The following ZNF44 variants were observed in gnomAD, a reference collection of about 807,000 sequenced individuals.
ZNF44 encodes zinc finger protein 44, also known as gonadotropin inducible transcription repressor-2.
Under a neutral mutation model 11.7 loss-of-function variants are expected in ZNF44, and 9 were observed. The observed-to-expected ratio is 0.77, with a 90% CI of 0.46 to 1.35. The LOEUF is 1.35. Among genes scored for constraint, ZNF44 ranks in the 40% most tolerant of loss-of-function variants. The probability of loss-of-function intolerance (pLI) is 0.00; values close to 1 mark genes in which losing one functional copy is unlikely to be tolerated. For synonymous variants in ZNF44, 224 were observed against 242.7 expected (o/e 0.92, Z 0.72); for missense variants, 696 against 743.1 (o/e 0.94, Z 0.74).
Position 12,274,041 on chromosome 19 carries a change from C to T in ZNF44, c.214G>A (p.Gly72Ser), listed in dbSNP as rs753445668. 7 of 1,612,610 alleles carry T rather than the reference C, an allele frequency of 4.3e-6. No homozygotes were observed. Among genetic ancestry groups the T allele is most frequent in the Admixed American group, 1.7e-5 (1 of 59,956 alleles). Residue 72 changes from glycine to serine, a missense_variant, in exon 4 of 4, where the codon GGT becomes AGT. By Grantham distance (56) the Gly-to-Ser change is moderately conservative. Coordinates refer to ENST00000355684, the MANE Select transcript of ZNF44 (RefSeq NM_016264.4). The stretch of plus-strand genomic sequence containing the variant: ...CACTGACTACCATCTTTACTTTTAC[C>T]AAATCTCTCTACCACATCACACCTG... Reference protein sequence around the residue: ...NPRCDVVERFGKSKDGSQCGE... With the variant: ...NPRCDVVERFSKSKDGSQCGE...
chr19:12,284,505 G>C, intron 1 of ZNF44: 2 of 681,508 alleles, frequency 2.9e-6, no homozygotes, highest in South Asian at 2.8e-5. Flanking sequence ...TACCAAGCTG[G>C]GCTGCCTGGT....
downstream of ZNF44, among the ~76,000 whole-genome samples, chr19:12,271,473 T>C (rs1019185075): frequency 1.3e-5 from 2 of 152,220 alleles, no homozygotes; most frequent in African/African-American, 4.8e-5. Context: ...CTTGATGTCC[T>C]GTCAAGATTC....
intron 2 of ZNF44, among the ~76,000 whole-genome samples, chr19:12,230,909 A>G (rs991546896): frequency 6.6e-6 from 1 of 151,948 alleles, no homozygotes; most frequent in African/African-American, 2.4e-5. Context: ...GGGGCGTTGG[A>G]ATGTCTCTGG....
intron 3 of ZNF44, among the ~76,000 whole-genome samples, chr19:12,228,200 A>ATTGT: frequency 7.3e-6 from 1 of 137,824 alleles, no homozygotes; most frequent in East Asian, 2.2e-4. Flanking sequence ...CTTCAAAACA[A>ATTGT]TTGTTTAACT....
chr19:12,241,921 C>T (rs1430050975), upstream of ZNF44, among the ~76,000 whole-genome samples: 2 of 152,066 alleles, frequency 1.3e-5, no homozygotes, highest in African/African-American at 4.8e-5. Context: ...AAACATTATG[C>T]TAAGTGAAAT....
At chr19:12,274,593 A>G (rs1156570165) in intron 3 of ZNF44, among the ~76,000 whole-genome samples, 2 of 148,678 alleles carry the variant, frequency 1.3e-5, no homozygotes, top group East Asian at 3.9e-4. Flanking sequence ...TTTTTAAGAC[A>G]GGGTCTTGCT....
chr19:12,266,934 G>A (rs1027769568), downstream of ZNF44, among the ~76,000 whole-genome samples: 1 of 152,208 alleles, frequency 6.6e-6, no homozygotes, highest in African/African-American at 2.4e-5. Context: ...GAACATGGGA[G>A]AGGGCTTGAT....
chr19:12,234,350 A>G (rs1916292606), intron 2 of ZNF44, among the ~76,000 whole-genome samples: 1 of 152,202 alleles, frequency 6.6e-6, no homozygotes, highest in Admixed American at 6.5e-5. Context: ...TGTTTTAAAA[A>G]TTGATAACAT....
intron 2 of ZNF44, among the ~76,000 whole-genome samples, chr19:12,231,627 A>G (rs959417798): frequency 6.6e-6 from 1 of 152,224 alleles, no homozygotes; most frequent in African/African-American, 2.4e-5. Flanking sequence ...AGATTTGTGG[A>G]TTTAATGAAG....
intron 1 of ZNF44, among the ~76,000 whole-genome samples, chr19:12,286,308 T>C (rs2145759083): frequency 6.6e-6 from 1 of 152,214 alleles, no homozygotes; most frequent in East Asian, 1.9e-4. Context: ...CTAGTTCTCA[T>C]GCATGAGAAT....
At chr19:12,252,284 T>C (rs1917040828) in intron 5 of ZNF44, among the ~76,000 whole-genome samples, 1 of 151,974 alleles carries the variant, frequency 6.6e-6, no homozygotes, top group Non-Finnish European at 1.5e-5. Flanking sequence ...TACGAGAAAG[T>C]AGAGTGAAAT....
intron 5 of ZNF44, among the ~76,000 whole-genome samples, chr19:12,265,239 C>T (rs1917682046): frequency 6.6e-6 from 1 of 151,958 alleles, no homozygotes; most frequent in Non-Finnish European, 1.5e-5. Flanking sequence ...GGCACGCTCT[C>T]TACAAAAAAT....
In ZNF44 at chr19:12,272,636, G is replaced by A; in HGVS notation, c.1619C>T (p.Ala540Val). 6.2e-7 allele frequency: 1 copy of A among 1,613,484 alleles called. No individual in the cohort carries two copies. Among genetic ancestry groups the A allele is most frequent in the South Asian group, 1.1e-5 (1 of 90,998 alleles). Residue 540 changes from alanine to valine, a missense_variant, in exon 4 of 4, where the codon GCA becomes GTA. Coordinates refer to ENST00000355684, the MANE Select transcript of ZNF44 (RefSeq NM_016264.4). ...KPYECKQCRK[A>V]FFWPSFLLRH... ...TAGAAGGAAAGAGGGCCAAAAGAAT[G>A]CTTTCCTGCATTGCTTACATTCATA...
upstream of ZNF44, among the ~76,000 whole-genome samples, chr19:12,239,205 C>T (rs141062381): frequency 0.013 from 1,982 of 151,780 alleles, 28 homozygotes; most frequent in Middle Eastern, 0.044. Context: ...CCCCACCTCC[C>T]GGGTTCAAGC....
chr19:12,245,850 C>T (rs887916948), downstream of ZNF44, among the ~76,000 whole-genome samples: 1 of 151,884 alleles, frequency 6.6e-6, no homozygotes, highest in South Asian at 2.1e-4. Context: ...GGAGGCAGAA[C>T]TTAAGAAGGC....
chr19:12,272,795 G>T lies in ZNF44; in HGVS notation c.1460C>A (p.Ser487Tyr), dbSNP rs776828861. 1.9e-6 allele frequency: 3 copies of T among 1,613,788 alleles called. No homozygotes were observed. Among genetic ancestry groups the T allele is most frequent in the South Asian group, 1.1e-5 (1 of 91,062 alleles). ...TTCATGGCGACAAAAGTATTTAAAA[G>T]AACTAAATGCTTTCCCACACTCCTT... ...ECKECGKAFS[S>Y]FKYFCRHERT... is the part of the protein sequence containing the mutation. Residue 487 changes from serine to tyrosine, a missense_variant, in exon 4 of 4, where the codon TCT (serine) becomes TAT (tyrosine). Ser to Tyr is a moderately radical substitution (Grantham distance 144). Transcript: ENST00000355684.
rs1697939210 is a variant in ZNF44 at position 12,272,911 on chromosome 19, G to A, written c.1344C>T (p.Pro448=). 1 of 1,613,954 alleles carries A rather than the reference G, an allele frequency of 6.2e-7. No individual in the cohort carries two copies. Among genetic ancestry groups the A allele is most frequent in the African/African-American group, 1.3e-5 (1 of 74,884 alleles). The change falls in exon 4 of 4, where the codon CCC becomes CCT. Residue 448 remains proline (P), a synonymous_variant. Coordinates refer to ENST00000355684, the MANE Select transcript of ZNF44 (RefSeq NM_016264.4). ...KHETTHTGEQ[P]YKCKCGKAFS... ...AAGCTTTTCCACATTTACATTTATA[G>A]GGTTGCTCTCCAGTGTGTGTTGTTT...
chr19:12,272,379 A>C lies in ZNF44; in HGVS notation c.*28T>G. On this transcript the variant is annotated 3_prime_UTR_variant, in exon 4 of 4. Coordinates refer to ENST00000355684, the MANE Select transcript of ZNF44 (RefSeq NM_016264.4). ...TCAAGTATCTGAATGTGATAAAACC[A>C]ATGAATGCTTTCCCACATTCCATAC... The C allele has an allele frequency of 2.0e-6, 3 of 1,497,536 alleles. No individual in the cohort carries two copies. Among genetic ancestry groups the C allele is most frequent in the Non-Finnish European group, 2.7e-6 (3 of 1,125,646 alleles). 92.8% of individuals were successfully genotyped at this position (1,497,536 alleles called of 1,614,324 possible).
chr19:12,276,396 C>T (rs1190183642), intron 1 of ZNF44, among the ~76,000 whole-genome samples: 1 of 152,196 alleles, frequency 6.6e-6, no homozygotes, highest in East Asian at 1.9e-4. Flanking sequence ...TGACAAAGTC[C>T]TACCACCTAC....
Sources: gnomAD v4.1 joint callset for allele counts (sites outside exome capture counted in the v4.1 genomes callset) on GRCh38, gnomAD v4.1.1 for gene constraint, MANE v1.5 for transcripts, NCBI Gene and HGNC (gene_info 2026-07-23, HGNC 2026-07-21) for gene names.